The following FRMPD4 variants were observed in gnomAD, a reference collection of about 807,000 sequenced individuals.
The protein encoded by FRMPD4 is FERM and PDZ domain-containing protein 4.
A neutral mutation model predicts 94.1 loss-of-function variants in FRMPD4; 22 were observed. That is an observed-to-expected ratio of 0.23 (90% CI 0.17 to 0.33). The LOEUF (loss-of-function observed/expected upper bound fraction) is 0.33, where lower values mean the gene tolerates loss of function less well. FRMPD4 is among the 10% of genes least tolerant of loss of function. FRMPD4 has a pLI of 1.00. For missense variants in FRMPD4, 1,111 were observed against 1,339.9 expected, an observed-to-expected ratio of 0.83 and a Z score of 2.67; for synonymous variants, 631 against 548.6, an observed-to-expected ratio of 1.15 and a Z score of -2.10.
At chrX:12,114,529 G>A (rs1290790084) in intron 3 of FRMPD4, among the ~76,000 whole-genome samples, 1 of 111,788 alleles carries the variant, frequency 8.9e-6, no homozygotes, top group African/African-American at 3.2e-5. Flanking sequence ...GTCATTTTAA[G>A]TACTCATTCA....
At chrX:11,884,289 A>T (rs1394899351) in intron 3 of FRMPD4, among the ~76,000 whole-genome samples, 16 of 112,225 alleles carry the variant, frequency 1.4e-4, no homozygotes, top group African/African-American at 4.5e-4. Flanking sequence ...ATATTCAATA[A>T]AGAATTACAC....
intron 3 of FRMPD4, among the ~76,000 whole-genome samples, chrX:11,924,473 A>T (rs1439113797): frequency 9.0e-6 from 1 of 111,647 alleles, no homozygotes; most frequent in Non-Finnish European, 1.9e-5. Flanking sequence ...CTCCAAGGTC[A>T]AAATGAAAGA....
At chrX:12,395,443 A>G (rs1402977618) in intron 1 of FRMPD4, among the ~76,000 whole-genome samples, 1 of 112,488 alleles carries the variant, frequency 8.9e-6, no homozygotes, top group East Asian at 2.8e-4. Flanking sequence ...ACTTCCAGTT[A>G]CTCATCTAAT....
chrX:12,697,903 C>T (rs1413331603), intron 9 of FRMPD4, among the ~76,000 whole-genome samples: 1 of 112,065 alleles, frequency 8.9e-6, no homozygotes, highest in Non-Finnish European at 1.9e-5. Context: ...GTCATATATC[C>T]TCCGCTGAAA....
At chrX:12,424,580 C>T (rs976081649) in intron 1 of FRMPD4, among the ~76,000 whole-genome samples, 4 of 111,918 alleles carry the variant, frequency 3.6e-5, no homozygotes, top group African/African-American at 1.3e-4. Context: ...TCAGATAGAT[C>T]GAGGGTGGGA....
At chrX:11,851,311 A>G (rs773927694) in intron 1 of FRMPD4, among the ~76,000 whole-genome samples, 33 of 111,990 alleles carry the variant, frequency 2.9e-4, no homozygotes, top group Admixed American at 1.6e-3. Flanking sequence ...CATCCCAGAA[A>G]TGAATCTGTC....
chrX:12,093,901 A>G (rs1309028609), intron 3 of FRMPD4, among the ~76,000 whole-genome samples: 3 of 108,927 alleles, frequency 2.8e-5, no homozygotes, highest in Non-Finnish European at 5.8e-5. Flanking sequence ...GACTACTTGC[A>G]TGAAAAAAAA....
intron 3 of FRMPD4, among the ~76,000 whole-genome samples, chrX:12,105,101 C>T (rs1044906295): frequency 9.0e-6 from 1 of 111,544 alleles, no homozygotes; most frequent in African/African-American, 3.3e-5. Flanking sequence ...TTTCCTCACA[C>T]TTACGACTCC....
intron 1 of FRMPD4, among the ~76,000 whole-genome samples, chrX:12,231,030 G>GTA (rs56948982): frequency 0.068 from 1,801 of 26,370 alleles, 112 homozygotes; most frequent in African/African-American, 0.12. Context: ...TATATATATA[G>GTA]TATATATATA....
At chrX:12,446,828 G>A (rs1335534147) in intron 1 of FRMPD4, among the ~76,000 whole-genome samples, 1 of 111,548 alleles carries the variant, frequency 9.0e-6, no homozygotes. Context: ...ATACACCAGG[G>A]GTGGCTCCAC....
intron 1 of FRMPD4, among the ~76,000 whole-genome samples, chrX:12,337,178 C>T (rs1232267675): frequency 2.7e-5 from 3 of 112,142 alleles, no homozygotes; most frequent in Admixed American, 9.5e-5. Flanking sequence ...GTATACACTC[C>T]TGGCCTCATG....
intron 3 of FRMPD4, among the ~76,000 whole-genome samples, chrX:12,028,939 C>T (rs928103309): frequency 5.3e-5 from 6 of 112,282 alleles, no homozygotes; most frequent in African/African-American, 1.9e-4. Flanking sequence ...CTGCTGTAAA[C>T]ATCCATGTGC....
chrX:12,237,216 C>T (rs1431030823), intron 1 of FRMPD4, among the ~76,000 whole-genome samples: 1 of 110,498 alleles, frequency 9.0e-6, no homozygotes, highest in East Asian at 2.9e-4. Flanking sequence ...TATATTTTTG[C>T]ATTCTTTTCA....
chrX:12,690,887 G>A (rs929757271), intron 8 of FRMPD4, among the ~76,000 whole-genome samples: 3 of 111,633 alleles, frequency 2.7e-5, no homozygotes, highest in Non-Finnish European at 3.8e-5. Flanking sequence ...TGAATTCAGC[G>A]CAGCACCCTG....
intron 1 of FRMPD4, among the ~76,000 whole-genome samples, chrX:12,255,715 A>G (rs2054104365): frequency 8.9e-6 from 1 of 112,198 alleles, no homozygotes; most frequent in South Asian, 3.7e-4. Flanking sequence ...TAAAGGAATA[A>G]TTTGGCCATG....
intron 3 of FRMPD4, among the ~76,000 whole-genome samples, chrX:12,048,987 AT>A (rs2054801625): frequency 9.0e-6 from 1 of 111,703 alleles, no homozygotes; most frequent in Non-Finnish European, 1.9e-5. Context: ...TTGGTTACAT[AT>A]GAATTTTAGA....
intron 1 of FRMPD4, among the ~76,000 whole-genome samples, chrX:12,418,340 G>A (rs1169382729): frequency 1.1e-5 from 1 of 94,546 alleles, no homozygotes; most frequent in African/African-American, 4.0e-5. Context: ...GCATCCATCA[G>A]TGTTTCTTTC....
rs1162592006 is a variant in FRMPD4, at chrX:12,713,488, GAGAGA to G, written c.1610-2580_1610-2576del. On this transcript the variant is annotated intron_variant, in intron 14 of 16. Coordinates refer to ENST00000675598, the MANE Select transcript of FRMPD4 (RefSeq NM_001368397.1). ...ACAGGGCGGGAGGTAGGTGGAGAGA[GAGAGA>G]GAGAGAGAGAGACAGAGAGAGAGAA... Among the ~76,000 whole-genome samples the G allele has an allele frequency of 2.5e-4, 28 of 109,841 alleles. No homozygotes were observed. In the South Asian group the frequency reaches 0.011, roughly 43 times the overall value.
chrX:12,073,429 A>G (rs1467350463), intron 3 of FRMPD4, among the ~76,000 whole-genome samples: 1 of 111,951 alleles, frequency 8.9e-6, no homozygotes, highest in Non-Finnish European at 1.9e-5. Flanking sequence ...TGAATTTCAC[A>G]TCATTTTCCC....
Sources: gnomAD v4.1 joint callset for allele counts (sites outside exome capture counted in the v4.1 genomes callset) on GRCh38, gnomAD v4.1.1 for gene constraint, MANE v1.5 for transcripts, NCBI Gene and HGNC (gene_info 2026-07-23, HGNC 2026-07-21) for gene names.